KANTR: variants seen among roughly 807,000 people sequenced by gnomAD.
KANTR encodes the protein KDM5C adjacent transcript.
Position 53,107,909 on chromosome X carries a change from A to C in KANTR, c.-805+8301A>C, listed in dbSNP as rs1189586915. Among the ~76,000 whole-genome samples the C allele has an allele frequency of 2.8e-5, 3 of 108,665 alleles. No individual in the cohort carries two copies. The Admixed American group carries it at 2.9e-4, about 11-fold the overall frequency. The allele number at this position is 108,665 out of a possible 115,157, so 94.4% of individuals were successfully genotyped here. A position where few individuals can be genotyped will look rare whatever the true frequency, so the allele number is the denominator to read the frequency against. On this transcript the variant is annotated intron_variant, in intron 2 of 2. Coordinates refer to ENST00000604062, the Ensembl canonical transcript of KANTR. The stretch of plus-strand genomic sequence containing the variant: ...ACTTTTTCTTTTTTTCTTTTTTCTG[A>C]GACGGAGTCTCACTCTGTCACCCAG...
chrX:53,103,182 G>A (rs1932910055), intron 2 of KANTR, among the ~76,000 whole-genome samples: 1 of 109,607 alleles, frequency 9.1e-6, no homozygotes, highest in Non-Finnish European at 1.9e-5. Context: ...CACCATGTTG[G>A]CCAGGCTGGT....
At chrX:53,117,438 C>G (rs930531046) in intron 2 of KANTR, among the ~76,000 whole-genome samples, 2 of 110,498 alleles carry the variant, frequency 1.8e-5, no homozygotes, top group South Asian at 7.6e-4. Context: ...CCCCACCACT[C>G]CACTCCTGAA....
chrX:53,142,349 C>T (rs1232839768), exon 3 of KANTR: 5 of 115,033 alleles, frequency 4.3e-5, no homozygotes, highest in African/African-American at 1.7e-4. Context: ...GTAGTCTCGC[C>T]CTGTTGCCCA....
intron 2 of KANTR, among the ~76,000 whole-genome samples, chrX:53,100,805 CAAAAAG>C (rs1301497956): frequency 8.9e-6 from 1 of 112,179 alleles, no homozygotes; most frequent in African/African-American, 3.2e-5. Flanking sequence ...TCTCAAAAAA[CAAAAAG>C]AAAAAGAAAA....
intron 2 of KANTR, chrX:53,113,321 AC>A: frequency 2.1e-5 from 1 of 47,746 alleles, no homozygotes; most frequent in Non-Finnish European, 6.4e-5. Flanking sequence ...CAGAAAACAC[AC>A]ACACAAAAAA....
At chrX:53,129,205 C>CT (rs1210926799), downstream of KANTR, among the ~76,000 whole-genome samples, 4 of 104,388 alleles carry the variant, frequency 3.8e-5, no homozygotes, top group African/African-American at 1.1e-4. Context: ...GTAGCTGGGA[C>CT]TACAGGCGCC....
chrX:53,142,820 C>A, downstream of KANTR: 1 of 484,731 alleles, frequency 2.1e-6, no homozygotes, highest in Non-Finnish European at 3.8e-6. Flanking sequence ...TGCTTGCAGT[C>A]CATTTAGAGG....
rs888337657 is a variant in KANTR at position 53,101,696 on chromosome X, C to T, written c.-805+2088C>T. On this transcript the variant is annotated intron_variant, in intron 2 of 2. Transcript: ENST00000604062. ...GCCCTAAAACAATTACAAATAGTTA[C>T]ACCAAAGATCACTGATCTAGGCGGG... Among the ~76,000 whole-genome samples the T allele has an allele frequency of 3.6e-5, 4 of 110,795 alleles. No homozygotes were observed. The East Asian group carries it at 1.1e-3, about 32-fold the overall frequency.
At chrX:53,144,350 G>A (rs1933544722), downstream of KANTR, among the ~76,000 whole-genome samples, 1 of 111,615 alleles carries the variant, frequency 9.0e-6, no homozygotes, top group African/African-American at 3.3e-5. Context: ...AGCCGAGATT[G>A]TGCCACTGCA....
chrX:53,133,411 G>A (rs1933383722), intron 2 of KANTR, among the ~76,000 whole-genome samples: 1 of 109,542 alleles, frequency 9.1e-6, no homozygotes, highest in Admixed American at 9.7e-5. Flanking sequence ...CAAGCAGAAA[G>A]TGTCTGTTCC....
downstream of KANTR, among the ~76,000 whole-genome samples, chrX:53,127,791 C>T (rs1462443231): frequency 9.0e-6 from 1 of 111,437 alleles, no homozygotes; most frequent in Non-Finnish European, 1.9e-5. Context: ...TTTCTGATCC[C>T]AGCTATCATC....
At chrX:53,133,857 C>T (rs782811485) in intron 2 of KANTR, among the ~76,000 whole-genome samples, 1 of 111,440 alleles carries the variant, frequency 9.0e-6, no homozygotes, top group South Asian at 3.8e-4. Flanking sequence ...TATAACCGTA[C>T]CCTCTGACTT....
intron 2 of KANTR, among the ~76,000 whole-genome samples, chrX:53,100,182 T>C (rs1346195475): frequency 8.9e-6 from 1 of 112,407 alleles, no homozygotes; most frequent in Non-Finnish European, 1.9e-5. Context: ...CTGTTTCAGC[T>C]ACACTGAAAA....
rs782127206 is a variant in KANTR, at chrX:53,105,737, C to T, written c.-805+6129C>T. The stretch of plus-strand genomic sequence containing the variant: ...CTGATCTCGAACTCCTGAGCTCAGG[C>T]AGTCCACCTGCCTCGGCCTCCCAAA... On this transcript the variant is annotated intron_variant, in intron 2 of 2. Coordinates refer to ENST00000604062, the Ensembl canonical transcript of KANTR. 1.2e-4 allele frequency among the ~76,000 whole-genome samples: 13 copies of T among 106,888 alleles called. 1 individual carries two copies. The highest frequency in any genetic ancestry group is 4.6e-3 in the Middle Eastern group (1 of 216). 92.8% of individuals were successfully genotyped at this position (106,888 alleles called of 115,157 possible).
chrX:53,129,713 A>G (rs782623956), downstream of KANTR, among the ~76,000 whole-genome samples: 7 of 110,160 alleles, frequency 6.4e-5, no homozygotes, highest in South Asian at 1.5e-3. Flanking sequence ...ACTCTATAAG[A>G]TCTTTTTAGT....
chrX:53,132,927 A>G (rs1373473395), intron 2 of KANTR, among the ~76,000 whole-genome samples: 2 of 112,070 alleles, frequency 1.8e-5, no homozygotes, highest in Non-Finnish European at 3.8e-5. Context: ...ACTACTCACA[A>G]GTTACAAATA....
chrX:53,109,030 G>A (rs1932991586), intron 2 of KANTR, among the ~76,000 whole-genome samples: 1 of 111,894 alleles, frequency 8.9e-6, no homozygotes, highest in South Asian at 3.7e-4. Flanking sequence ...GTCTTTTGTG[G>A]TTTATACAAA....
At chrX:53,124,061 A>C in exon 3 of KANTR, 2 of 117,278 alleles carry the variant, frequency 1.7e-5, no homozygotes, top group Non-Finnish European at 2.8e-5. Flanking sequence ...TCTGCCTGCT[A>C]TTTTTTGTTT....
intron 2 of KANTR, among the ~76,000 whole-genome samples, chrX:53,101,440 CAA>C (rs1491277455): frequency 3.6e-5 from 4 of 109,979 alleles, no homozygotes; most frequent in African/African-American, 1.3e-4. Flanking sequence ...ACCCTGTCTC[CAA>C]AAAAATAAAA....
Sources: allele counts gnomAD v4.1 joint callset (sites outside exome capture counted in the v4.1 genomes callset), GRCh38; gene constraint gnomAD v4.1.1; transcripts MANE v1.5; gene names NCBI Gene and HGNC (gene_info 2026-07-23, HGNC 2026-07-21).